Variants in NEB observed in about 807,000 individuals in gnomAD.
The protein encoded by NEB is nemaline myopathy type 2.
In NEB, 512 loss-of-function variants were observed where a neutral mutation model predicts 952.2. The ratio of observed to expected loss-of-function variants is 0.54; its 90% CI spans 0.50 to 0.58. NEB has a LOEUF of 0.58. NEB is among the 20% of genes least tolerant of loss of function. The pLI, the probability that NEB is intolerant of heterozygous loss-of-function variation, is 0.00. For synonymous variants in NEB, 2,900 were observed against 3,149.8 expected, an observed-to-expected ratio of 0.92 and a Z score of 2.66; for missense variants, 8,428 against 9,231.1, an observed-to-expected ratio of 0.91 and a Z score of 3.56.
At chr2:151,521,135 C>G (rs548935919) in intron 153 of NEB, among the ~76,000 whole-genome samples, 2 of 152,104 alleles carry the variant, frequency 1.3e-5, no homozygotes, top group Non-Finnish European at 2.9e-5. Flanking sequence ...ACCAGTACCC[C>G]TCATGGTTCA....
chr2:151,527,367 G>A (rs578172403), intron 147 of NEB, 114 bp downstream of exon 147: 1 of 895,030 alleles, frequency 1.1e-6, no homozygotes, highest in Non-Finnish European at 1.7e-6. Flanking sequence ...CTCCTTCTCG[G>A]ATCTCAAACG....
intron 168 of NEB, 65 bp from the exon 169 acceptor site, chr2:151,499,455 T>TG: frequency 1.2e-6 from 1 of 842,788 alleles, no homozygotes; most frequent in Non-Finnish European, 1.9e-6. Flanking sequence ...TCATCTACCT[T>TG]GTGGGGAACC....
At chr2:151,709,587 A>C in intron 12 of NEB, 69 bp downstream of exon 12, 1 of 1,256,792 alleles carries the variant, frequency 8.0e-7, no homozygotes, top group East Asian at 2.5e-5. Flanking sequence ...AATTATATAC[A>C]AGAGCCAAAG....
chr2:151,665,554 A>G lies in NEB; in HGVS notation c.5032-15T>C, dbSNP rs201180226. ...TTGTACAGATTCTTTACAATGAGAA[A>G]AAAAATTTCATTTCAGAAAGAGTCA... On this transcript the variant is annotated splice_polypyrimidine_tract_variant and intron_variant, in intron 41 of 181. Coordinates refer to ENST00000397345, the MANE Select transcript of NEB (RefSeq NM_001164508.2). The G allele has an allele frequency of 4.9e-4, 756 of 1,544,422 alleles. 6 individuals are homozygous for G. The African/African-American group carries it at 9.4e-3, about 19-fold the overall frequency.
At position 151,622,673 on chromosome 2, in the gene NEB, A is replaced by G. The variant is rs147104220; in HGVS notation, c.10453-1647T>C. Among the ~76,000 whole-genome samples, 55 of 152,306 alleles carry G rather than the reference A, an allele frequency of 3.6e-4. 1 individual carries two copies. In the East Asian group the frequency reaches 8.9e-3, roughly 25 times the overall value. On this transcript the variant is annotated intron_variant, in intron 71 of 181. Transcript: ENST00000397345. ...GGCCTTCATCCTTGAATACTTTACC[A>G]TGTATCTCCTAAGAATAAAGATATT...
chr2:151,661,507 G>C (rs946387531), intron 46 of NEB, among the ~76,000 whole-genome samples: 7 of 152,316 alleles, frequency 4.6e-5, no homozygotes, highest in Non-Finnish European at 5.9e-5. Flanking sequence ...TGATCCACCA[G>C]TGCTGCTGCA....
intron 157 of NEB, 70 bp from the exon 158 acceptor site, chr2:151,514,998 A>C (rs2076828384): frequency 2.0e-6 from 2 of 987,122 alleles, no homozygotes; most frequent in African/African-American, 1.7e-5. Context: ...CCATCTCAGG[A>C]AGAAAAAAAA....
At chr2:151,664,889 A>T in intron 42 of NEB, 26 bp from the exon 43 acceptor site, 2 of 1,533,034 alleles carry the variant, frequency 1.3e-6, no homozygotes, top group Non-Finnish European at 1.8e-6. Flanking sequence ...CAGGTGCATG[A>T]TTTTACAGCA....
At chr2:151,562,296 G>T (rs2096116494) in intron 120 of NEB, 82 bp from the exon 121 acceptor site, 2 of 1,216,384 alleles carry the variant, frequency 1.6e-6, no homozygotes, top group African/African-American at 1.5e-5. Flanking sequence ...ATCAGCTGTT[G>T]GCTGTGCTTA....
chr2:151,666,786 C>A (rs1207145950), intron 40 of NEB, among the ~76,000 whole-genome samples: 1 of 151,848 alleles, frequency 6.6e-6, no homozygotes, highest in Non-Finnish European at 1.5e-5. Flanking sequence ...GTCATGACTC[C>A]CTGCAGCCTC....
intron 74 of NEB, 22 bp downstream of exon 74, chr2:151,618,253 A>G (rs1282185544): frequency 6.2e-7 from 1 of 1,606,044 alleles, no homozygotes; most frequent in Middle Eastern, 1.7e-4. Flanking sequence ...TCGGTATCTA[A>G]CAGTGAGGAT....
At chr2:151,487,426 A>T (rs937141927) in intron 181 of NEB, among the ~76,000 whole-genome samples, 1 of 152,238 alleles carries the variant, frequency 6.6e-6, no homozygotes, top group Non-Finnish European at 1.5e-5. Context: ...ATTCAAATTC[A>T]CAAATAGATT....
At position 151,680,788 on chromosome 2, in the gene NEB, G is replaced by T; in HGVS notation, c.2984C>A (p.Ser995Ter). 6.2e-7 allele frequency: 1 copy of T among 1,613,362 alleles called. No individual in the cohort carries two copies. The change falls in exon 30 of 182, where the codon TCG becomes TAG. Residue 995 changes from serine to a stop codon, truncating the protein, a stop_gained. Coordinates refer to ENST00000397345, the MANE Select transcript of NEB (RefSeq NM_001164508.2). LOFTEE classifies it high-confidence loss of function. ...TACTGTAATTGGAGCATCTTCAATC[G>T]AGGTAAACTTGAGGGTGTCTGGATG... The part of the protein sequence containing the change: ...RQHPDTLKFT[S>*]IEDAPITVQS...
chr2:151,626,795 C>T (rs1401751062), intron 70 of NEB, among the ~76,000 whole-genome samples: 1 of 152,120 alleles, frequency 6.6e-6, no homozygotes, highest in Non-Finnish European at 1.5e-5. Context: ...AAGAGCTGTG[C>T]CATTCTTAAC....
chr2:151,725,636 A>G, intron 5 of NEB, 76 bp from the exon 6 acceptor site: 1 of 1,186,866 alleles, frequency 8.4e-7, no homozygotes, highest in African/African-American at 1.5e-5. Flanking sequence ...CCATTTGATA[A>G]AAAAAAATCC....
At chr2:151,534,394 T>A in intron 142 of NEB, 1 of 1,238,716 alleles carries the variant, frequency 8.1e-7, no homozygotes, top group Non-Finnish European at 1.2e-6. Context: ...AGGTAAACAC[T>A]CCAGAGGGCC....
chr2:151,718,145 G>T (rs550743428), intron 9 of NEB, among the ~76,000 whole-genome samples: 1 of 152,106 alleles, frequency 6.6e-6, no homozygotes, highest in Admixed American at 6.5e-5. Context: ...GAGCCACCGC[G>T]CCTGGCCAAC....
intron 30 of NEB, among the ~76,000 whole-genome samples, chr2:151,680,289 G>A (rs998958341): frequency 1.3e-5 from 2 of 152,018 alleles, no homozygotes; most frequent in African/African-American, 2.4e-5. Flanking sequence ...TCAGGAAAGT[G>A]TAATAGGGTG....
Position 151,547,417 on chromosome 2 carries a change from C to G in NEB, c.20367+12G>C, listed in dbSNP as rs762763374. 6.4e-7 allele frequency: 1 copy of G among 1,572,248 alleles called. No individual in the cohort carries two copies. Among genetic ancestry groups the G allele is most frequent in the African/African-American group, 1.3e-5 (1 of 74,078 alleles). Reference sequence around the variant, plus strand: ...TAAGACTACTCCAGAAAGACCCCTACGAGATGCTTACATCACTGGTGATGT... The same window carrying G: ...TAAGACTACTCCAGAAAGACCCCTAGGAGATGCTTACATCACTGGTGATGT... On this transcript the variant is annotated intron_variant, in intron 133 of 181. Transcript: ENST00000397345.
Sources: allele counts gnomAD v4.1 joint callset (sites outside exome capture counted in the v4.1 genomes callset), GRCh38; gene constraint gnomAD v4.1.1; transcripts MANE v1.5; gene names NCBI Gene and HGNC (gene_info 2026-07-23, HGNC 2026-07-21).